The following ST8SIA1 variants were observed in gnomAD, a reference collection of about 807,000 sequenced individuals.
ST8SIA1 encodes alpha-N-acetylneuraminide alpha-2,8-sialyltransferase.
ST8SIA1 carries 16 observed loss-of-function variants against 35.9 expected under a neutral mutation model. The observed-to-expected ratio is 0.45, with a 90% CI of 0.30 to 0.68. The LOEUF is 0.68. Among genes scored for constraint, ST8SIA1 ranks in the 30% least tolerant of loss-of-function variants. The pLI is 0.09. For missense variants in ST8SIA1, 383 were observed against 453.6 expected, an observed-to-expected ratio of 0.84 and a Z score of 1.41; for synonymous variants, 170 against 169.6, an observed-to-expected ratio of 1.00 and a Z score of -0.02.
At chr12:22,211,428 G>A (rs1431008544) in intron 4 of ST8SIA1, among the ~76,000 whole-genome samples, 1 of 152,082 alleles carries the variant, frequency 6.6e-6, no homozygotes, top group Non-Finnish European at 1.5e-5. Context: ...AGCTACCTAG[G>A]GGCTGTCAAC....
At chr12:22,273,007 C>T (rs150331474) in intron 2 of ST8SIA1, among the ~76,000 whole-genome samples, 50 of 152,278 alleles carry the variant, frequency 3.3e-4, no homozygotes, top group African/African-American at 1.2e-3. Context: ...GTAACAAAAG[C>T]GCTCGGGGTC....
At chr12:22,206,638 C>A (rs1865113602) in intron 4 of ST8SIA1, among the ~76,000 whole-genome samples, 1 of 152,126 alleles carries the variant, frequency 6.6e-6, no homozygotes, top group Non-Finnish European at 1.5e-5. Flanking sequence ...GACCTACAAG[C>A]AGTAACATTT....
At position 22,211,051 on chromosome 12, in the gene ST8SIA1, T is replaced by C. The variant is rs61921792; in HGVS notation, c.585-9013A>G. Among the ~76,000 whole-genome samples the C allele has an allele frequency of 1.2e-3, 181 of 152,344 alleles. 1 individual carries two copies. The highest frequency in any genetic ancestry group is 1.2e-3 in the Non-Finnish European group (79 of 68,022). On this transcript the variant is annotated intron_variant, in intron 4 of 4. Coordinates refer to ENST00000396037, the MANE Select transcript of ST8SIA1 (RefSeq NM_003034.4). ...GGAGTTTCTCTGAACCACTTCTGAT[T>C]CTAGGGGCTGCCTGATTCATGAGTC... is the stretch of plus-strand genomic sequence containing the variant.
rs139777800 is a variant in ST8SIA1 at position 22,312,254 on chromosome 12, A to C, written c.236+21743T>G. Among the ~76,000 whole-genome samples, 1,090 of 152,310 alleles carry C rather than the reference A, an allele frequency of 7.2e-3. 30 individuals carry two copies. The highest frequency in any genetic ancestry group is 0.062 in the Admixed American group (943 of 15,284). On this transcript the variant is annotated intron_variant, in intron 1 of 4. Transcript: ENST00000396037. The stretch of plus-strand genomic sequence containing the variant: ...ACCAGGGTCCTAGAATAGGACATGA[A>C]GTGAAGAAAACCAAAAGACACTTCT...
intron 4 of ST8SIA1, among the ~76,000 whole-genome samples, chr12:22,233,323 GC>G (rs1215833521): frequency 1.3e-5 from 2 of 151,406 alleles, no homozygotes; most frequent in African/African-American, 4.8e-5. Context: ...TAAAATCCCA[GC>G]AAAAATATCA....
chr12:22,251,166 A>G (rs999252770), intron 3 of ST8SIA1, among the ~76,000 whole-genome samples: 3 of 152,216 alleles, frequency 2.0e-5, no homozygotes, highest in Non-Finnish European at 4.4e-5. Context: ...AGAAGCTTTG[A>G]TCTTAATTGC....
At chr12:22,205,436 A>T (rs552732397) in intron 4 of ST8SIA1, among the ~76,000 whole-genome samples, 1 of 152,204 alleles carries the variant, frequency 6.6e-6, no homozygotes, top group Admixed American at 6.6e-5. Context: ...ACAGAGTGGA[A>T]AGGACAAAAG....
chr12:22,329,630 C>G (rs534405943), intron 1 of ST8SIA1, among the ~76,000 whole-genome samples: 2 of 152,274 alleles, frequency 1.3e-5, no homozygotes, highest in South Asian at 4.1e-4. Flanking sequence ...TATGCTCCTC[C>G]CCTCCACTCC....
intron 4 of ST8SIA1, among the ~76,000 whole-genome samples, chr12:22,244,915 T>A (rs988071071): frequency 1.1e-4 from 17 of 152,246 alleles, no homozygotes; most frequent in Admixed American, 1.0e-3. Flanking sequence ...ATATCACTCA[T>A]ATAAATATGA....
intron 4 of ST8SIA1, among the ~76,000 whole-genome samples, chr12:22,235,638 A>C (rs1865468739): frequency 6.6e-6 from 1 of 152,152 alleles, no homozygotes; most frequent in Non-Finnish European, 1.5e-5. Context: ...CACACTTTAC[A>C]CTTAAAGTTT....
intron 1 of ST8SIA1, among the ~76,000 whole-genome samples, chr12:22,304,334 C>CTTTTTTTTTTTTTTTTT (rs3063802): frequency 6.6e-5 from 7 of 106,216 alleles, no homozygotes; most frequent in Admixed American, 2.0e-4. Context: ...TTTTCTTTTT[C>CTTTTTTTTTTTTTTTTT]TTTTTTTTTT....
At chr12:22,304,833 C>G (rs1866364456) in intron 1 of ST8SIA1, among the ~76,000 whole-genome samples, 1 of 152,234 alleles carries the variant, frequency 6.6e-6, no homozygotes. Context: ...TAGTCCCTAT[C>G]TAAATAAAAC....
chr12:22,255,888 A>G (rs1865723790), intron 2 of ST8SIA1, among the ~76,000 whole-genome samples: 1 of 152,150 alleles, frequency 6.6e-6, no homozygotes, highest in Non-Finnish European at 1.5e-5. Context: ...AGGGTTCACA[A>G]TTTGGGATGT....
intron 1 of ST8SIA1, among the ~76,000 whole-genome samples, chr12:22,304,647 A>C (rs2728818): frequency 6.6e-6 from 1 of 151,972 alleles, no homozygotes; most frequent in Non-Finnish European, 1.5e-5. Flanking sequence ...GGCTACTCTC[A>C]GGTTTTTAGG....
chr12:22,258,738 C>T (rs1277221624), intron 2 of ST8SIA1, among the ~76,000 whole-genome samples: 3 of 152,262 alleles, frequency 2.0e-5, no homozygotes, highest in South Asian at 4.1e-4. Flanking sequence ...ATTTAGTTTG[C>T]TCTATAAAAG....
chr12:22,298,031 C>G (rs1464259081), intron 1 of ST8SIA1, among the ~76,000 whole-genome samples: 1 of 152,038 alleles, frequency 6.6e-6, no homozygotes, highest in Non-Finnish European at 1.5e-5. Context: ...AATGGAGCCT[C>G]CATAAAAACC....
chr12:22,306,108 G>A (rs1056819846), intron 1 of ST8SIA1, among the ~76,000 whole-genome samples: 6 of 152,140 alleles, frequency 3.9e-5, no homozygotes, highest in East Asian at 1.9e-4. Flanking sequence ...CCTGTGACCT[G>A]GAAGCCCCTT....
chr12:22,320,882 G>A (rs1866578528), intron 1 of ST8SIA1, among the ~76,000 whole-genome samples: 1 of 137,316 alleles, frequency 7.3e-6, no homozygotes, highest in Non-Finnish European at 1.6e-5. Context: ...GAAAGAAAGA[G>A]AAAGAAAGAA....
chr12:22,251,668 T>C (rs1263612666), intron 3 of ST8SIA1, among the ~76,000 whole-genome samples: 1 of 152,168 alleles, frequency 6.6e-6, no homozygotes, highest in African/African-American at 2.4e-5. Flanking sequence ...AAGGCATAAT[T>C]GTGGTGTAAA....
Sources: gnomAD v4.1 joint callset for allele counts (sites outside exome capture counted in the v4.1 genomes callset) on GRCh38, gnomAD v4.1.1 for gene constraint, MANE v1.5 for transcripts, NCBI Gene and HGNC (gene_info 2026-07-23, HGNC 2026-07-21) for gene names.